GPR180: variants seen among roughly 807,000 people sequenced by gnomAD.
The protein encoded by GPR180 is integral membrane protein GPR180.
GPR180 carries 53 observed loss-of-function variants against 52.6 expected under a neutral mutation model. The observed-to-expected ratio is 1.01, with a 90% CI of 0.81 to 1.27. GPR180 has a LOEUF of 1.27. Ranked by LOEUF, GPR180 falls within the 50% of genes most tolerant of loss-of-function variation. GPR180 has a pLI of 0.00. For synonymous variants in GPR180, 200 were observed against 193.1 expected (o/e 1.04, Z -0.30); for missense variants, 533 against 527.0 (o/e 1.01, Z -0.11).
rs997146445 is a variant in GPR180, at chr13:94,629,916, T to C, written c.*2745T>C. On this transcript the variant is annotated 3_prime_UTR_variant, in exon 9 of 9. Coordinates refer to ENST00000376958, the MANE Select transcript of GPR180 (RefSeq NM_180989.6). ...TAGAACCTATCTATCAACATGAACATGGGCTCCTTCAGCATGTTTCTTCTA... is the reference window on the plus strand; with the variant it reads ...TAGAACCTATCTATCAACATGAACACGGGCTCCTTCAGCATGTTTCTTCTA... 2.2e-4 allele frequency: 34 copies of C among 152,206 alleles called. No individual in the cohort carries two copies. Among genetic ancestry groups the C allele is most frequent in the African/African-American group, 8.2e-4 (34 of 41,446 alleles). The allele number at this position is 152,206 out of a possible 1,614,324, so 9.4% of individuals were successfully genotyped here.
chr13:94,624,878 C>CTGTA (rs1889905550), intron 7 of GPR180, among the ~76,000 whole-genome samples: 1 of 151,242 alleles, frequency 6.6e-6, no homozygotes, highest in African/African-American at 2.4e-5. Context: ...CTTGTCCAGG[C>CTGTA]TGTAGTGCAG....
At position 94,629,047 on chromosome 13, in the gene GPR180, T is replaced by G. The variant is rs2063223481; in HGVS notation, c.*1876T>G. 1 of 152,152 alleles carries G rather than the reference T, an allele frequency of 6.6e-6. No individual in the cohort carries two copies. Among genetic ancestry groups the G allele is most frequent in the Non-Finnish European group, 1.5e-5 (1 of 67,974 alleles). The allele number at this position is 152,152 out of a possible 1,614,324, so 9.4% of individuals were successfully genotyped here. ...AAACTTTAATTCTTAAATTTATGGT[T>G]GGAAATGCTGATAATTTATTTTGTT... On this transcript the variant is annotated 3_prime_UTR_variant, in exon 9 of 9. Transcript: ENST00000376958.
At chr13:94,618,159 A>G (rs1393025993) in intron 3 of GPR180, among the ~76,000 whole-genome samples, 1 of 152,136 alleles carries the variant, frequency 6.6e-6, no homozygotes, top group African/African-American at 2.4e-5. Context: ...CTCACTTGTA[A>G]TTTCTACTCC....
intron 1 of GPR180, among the ~76,000 whole-genome samples, chr13:94,604,344 TAAA>T (rs71761008): frequency 3.5e-5 from 5 of 141,734 alleles, no homozygotes; most frequent in Non-Finnish European, 4.6e-5. Context: ...AAAAATAAAT[TAAA>T]AAAAAAAAAA....
intron 5 of GPR180, among the ~76,000 whole-genome samples, chr13:94,620,148 G>A (rs757554921): frequency 6.6e-6 from 1 of 152,148 alleles, no homozygotes; most frequent in Non-Finnish European, 1.5e-5. Context: ...ACTTCCACAT[G>A]TCAGTCAGCT....
chr13:94,616,659 GTAT>G (rs1424297385), intron 3 of GPR180, among the ~76,000 whole-genome samples: 1 of 152,050 alleles, frequency 6.6e-6, no homozygotes, highest in Non-Finnish European at 1.5e-5. Flanking sequence ...TTTTTCATGT[GTAT>G]TATTAAGTCT....
At position 94,634,330 on chromosome 13, in the gene GPR180, C is replaced by T. The variant is rs186457889; in HGVS notation, c.*7159C>T. The T allele has an allele frequency of 9.9e-5, 15 of 152,146 alleles. No homozygotes were observed. The highest frequency in any genetic ancestry group is 3.4e-4 in the African/African-American group (14 of 41,542). The allele number at this position is 152,146 out of a possible 1,614,324, so 9.4% of individuals were successfully genotyped here. On this transcript the variant is annotated 3_prime_UTR_variant, in exon 9 of 9. Transcript: ENST00000376958. ...TATCAACTGTCGGAAACTAGGTTTT[C>T]CCATAGTGATCCAAGAAACTAGTAC...
Position 94,604,928 on chromosome 13 carries a change from A to G in GPR180, c.146-463A>G, listed in dbSNP as rs546969887. On this transcript the variant is annotated intron_variant, in intron 1 of 8. Coordinates refer to ENST00000376958, the MANE Select transcript of GPR180 (RefSeq NM_180989.6). Reference sequence around the variant, plus strand: ...TACCAAATTTTGTTTTAGGTATAATATGTCTACCCCAGAACACATACATTT... The same window carrying G: ...TACCAAATTTTGTTTTAGGTATAATGTGTCTACCCCAGAACACATACATTT... Among the ~76,000 whole-genome samples the G allele has an allele frequency of 2.0e-5, 3 of 152,298 alleles. No individual in the cohort carries two copies. The East Asian group carries it at 5.8e-4, about 29-fold the overall frequency.
chr13:94,624,765 A>C (rs1227360701), intron 7 of GPR180, among the ~76,000 whole-genome samples: 1 of 152,052 alleles, frequency 6.6e-6, no homozygotes, highest in Non-Finnish European at 1.5e-5. Flanking sequence ...GATGCTCTCG[A>C]CCTCCTGACC....
At chr13:94,602,166 T>C (rs1889565264) in intron 1 of GPR180, 94 bp downstream of exon 1, 1 of 1,175,318 alleles carries the variant, frequency 8.5e-7, no homozygotes, top group Non-Finnish European at 1.1e-6. Flanking sequence ...CCCTGCCACG[T>C]TGGGCGAGGC....
intron 7 of GPR180, among the ~76,000 whole-genome samples, chr13:94,623,672 C>CT: frequency 6.9e-6 from 1 of 145,980 alleles, no homozygotes; most frequent in East Asian, 2.0e-4. Context: ...AGGGCGAGAC[C>CT]TTCTTTTTTT....
intron 3 of GPR180, among the ~76,000 whole-genome samples, chr13:94,612,799 C>A (rs1168042359): frequency 6.6e-6 from 1 of 152,076 alleles, no homozygotes; most frequent in East Asian, 1.9e-4. Flanking sequence ...AAAATGGTAA[C>A]AAATTAAACA....
Position 94,623,151 on chromosome 13 carries a change from C to CT in GPR180, c.937_938insT (p.His313LeufsTer2). ...GGAACAGTTTGAAGATATCAGTCAT[C>CT]ATAGCTACCATTCACACCACAACTT... On this transcript the variant is annotated frameshift_variant, in exon 7 of 9. Transcript: ENST00000376958. LOFTEE classifies it high-confidence loss of function. 1 of 1,613,882 alleles carries CT rather than the reference C, an allele frequency of 6.2e-7. No individual in the cohort carries two copies. The highest frequency in any genetic ancestry group is 8.5e-7 in the Non-Finnish European group (1 of 1,179,914).
chr13:94,625,401 CTATT>C (rs1354241233), intron 7 of GPR180, among the ~76,000 whole-genome samples: 2 of 151,936 alleles, frequency 1.3e-5, no homozygotes, highest in Admixed American at 6.6e-5. Context: ...ATTTCAACAG[CTATT>C]TATTAACTTA....
rs1326829929 is a variant in GPR180 at position 94,630,233 on chromosome 13, T to A, written c.*3062T>A. The A allele has an allele frequency of 1.3e-5, 2 of 152,184 alleles. No individual in the cohort carries two copies. The highest frequency in any genetic ancestry group is 2.9e-5 in the Non-Finnish European group (2 of 68,042). 9.4% of individuals were successfully genotyped at this position (152,184 alleles called of 1,614,324 possible). A position where few individuals can be genotyped will look rare whatever the true frequency, so the allele number is the denominator to read the frequency against. On this transcript the variant is annotated 3_prime_UTR_variant, in exon 9 of 9. Coordinates refer to ENST00000376958, the MANE Select transcript of GPR180 (RefSeq NM_180989.6). ...TAGCTCTCTAAGTAATATTACCATG[T>A]CCACACTTGGGCAGCCTTCTGCACA...
At chr13:94,607,002 A>G (rs370226113) in intron 2 of GPR180, among the ~76,000 whole-genome samples, 2 of 152,126 alleles carry the variant, frequency 1.3e-5, no homozygotes, top group African/African-American at 4.8e-5. Flanking sequence ...TCAGTTCCCA[A>G]TTCCTCTGGC....
In GPR180 at chr13:94,628,709, A is replaced by G. The variant is rs907036657; in HGVS notation, c.*1538A>G. The G allele has an allele frequency of 2.0e-5, 3 of 152,094 alleles. No individual in the cohort carries two copies. The highest frequency in any genetic ancestry group is 7.2e-5 in the African/African-American group (3 of 41,462). 9.4% of individuals were successfully genotyped at this position (152,094 alleles called of 1,614,324 possible). On this transcript the variant is annotated 3_prime_UTR_variant, in exon 9 of 9. Transcript: ENST00000376958. ...TAGTTCTTTGTAAATCACTTAGTACATTAGAGCTACAGGTTAAGACTAGAA... is the reference window on the plus strand; with the variant it reads ...TAGTTCTTTGTAAATCACTTAGTACGTTAGAGCTACAGGTTAAGACTAGAA...
At position 94,601,994 on chromosome 13, in the gene GPR180, A is replaced by G; in HGVS notation, c.67A>G (p.Lys23Glu). The G allele has an allele frequency of 2.0e-6, 3 of 1,487,690 alleles. No individual in the cohort carries two copies. Among genetic ancestry groups the G allele is most frequent in the Non-Finnish European group, 2.7e-6 (3 of 1,123,332 alleles). 92.2% of individuals were successfully genotyped at this position (1,487,690 alleles called of 1,614,324 possible). A position where few individuals can be genotyped will look rare whatever the true frequency, so the allele number is the denominator to read the frequency against. The change falls in exon 1 of 9, where the codon AAG becomes GAG. Residue 23 changes from lysine (K) to glutamate (E), a missense_variant. Coordinates refer to ENST00000376958, the MANE Select transcript of GPR180 (RefSeq NM_180989.6). Reference sequence around the variant, plus strand: ...CTGGTGGCCGCAGGGCAGCCAGGGTAAGACCCTGCGGGGCAGCTTCAGCAG... The same window carrying G: ...CTGGTGGCCGCAGGGCAGCCAGGGTGAGACCCTGCGGGGCAGCTTCAGCAG... ...CCWWPQGSQG[K>E]TLRGSFSSTA... is the part of the protein sequence containing the mutation.
chr13:94,605,357 C>A, intron 1 of GPR180, 34 bp from the exon 2 acceptor site: 1 of 1,611,020 alleles, frequency 6.2e-7, no homozygotes, highest in South Asian at 1.1e-5. Context: ...CATGTAAGAC[C>A]AAACTAGTTG....
Sources: gnomAD v4.1 joint callset for allele counts (sites outside exome capture counted in the v4.1 genomes callset) on GRCh38, gnomAD v4.1.1 for gene constraint, MANE v1.5 for transcripts, NCBI Gene and HGNC (gene_info 2026-07-23, HGNC 2026-07-21) for gene names.